Variants in GOLPH3L observed in about 807,000 individuals in gnomAD.
The protein encoded by GOLPH3L is golgi phosphoprotein 3 like.
A neutral mutation model predicts 30.3 loss-of-function variants in GOLPH3L; 22 were observed. The observed-to-expected ratio is 0.73, with a 90% CI of 0.52 to 1.04. The LOEUF is 1.04. Ranked by LOEUF, GOLPH3L falls within the 50% of genes least tolerant of loss-of-function variation. GOLPH3L has a pLI of 0.00. For synonymous variants in GOLPH3L, 120 were observed against 128.2 expected (o/e 0.94, Z 0.43); for missense variants, 303 against 345.8 (o/e 0.88, Z 0.98).
chr1:150,664,288 G>A (rs888535909), intron 2 of GOLPH3L, among the ~76,000 whole-genome samples: 3 of 152,128 alleles, frequency 2.0e-5, no homozygotes, highest in South Asian at 2.1e-4. Context: ...ACAGACATGA[G>A]TGACTGCACC....
chr1:150,657,478 T>C (rs183062156), intron 4 of GOLPH3L, among the ~76,000 whole-genome samples: 34 of 152,342 alleles, frequency 2.2e-4, no homozygotes, highest in African/African-American at 6.3e-4. Flanking sequence ...CCTAATTCTC[T>C]TTGGCAAATG....
intron 4 of GOLPH3L, among the ~76,000 whole-genome samples, chr1:150,655,907 G>T (rs954258046): frequency 1.3e-5 from 2 of 152,196 alleles, no homozygotes; most frequent in South Asian, 2.1e-4. Context: ...AGATTTAAAA[G>T]ACTGTTTCTT....
intron 4 of GOLPH3L, among the ~76,000 whole-genome samples, chr1:150,657,625 TTG>T (rs1218266766): frequency 2.0e-5 from 3 of 152,236 alleles, no homozygotes; most frequent in Non-Finnish European, 4.4e-5. Context: ...TTTGCAGTGT[TTG>T]TGGTGATGAG....
At chr1:150,692,355 T>G (rs762464656) in intron 2 of GOLPH3L, among the ~76,000 whole-genome samples, 13 of 152,172 alleles carry the variant, frequency 8.5e-5, no homozygotes, top group African/African-American at 1.2e-4. Flanking sequence ...AAAAATAAAA[T>G]TAGAGCAATT....
intron 2 of GOLPH3L, among the ~76,000 whole-genome samples, chr1:150,679,731 T>C (rs1240937868): frequency 6.6e-6 from 1 of 152,054 alleles, no homozygotes; most frequent in Non-Finnish European, 1.5e-5. Context: ...GCCCAAGAGG[T>C]GGAGCCTGCA....
intron 2 of GOLPH3L, among the ~76,000 whole-genome samples, chr1:150,675,096 T>C (rs1571047617): frequency 6.6e-6 from 1 of 151,964 alleles, no homozygotes; most frequent in Non-Finnish European, 1.5e-5. Flanking sequence ...CCCAGGCTGG[T>C]GTTGAAGACC....
chr1:150,678,588 G>A (rs1650875016), intron 2 of GOLPH3L, among the ~76,000 whole-genome samples: 1 of 152,146 alleles, frequency 6.6e-6, no homozygotes, highest in African/African-American at 2.4e-5. Context: ...AGAGAGAGCT[G>A]ATGCTGGTTA....
At chr1:150,693,960 A>C (rs1368207545) in intron 2 of GOLPH3L, 2 of 178,734 alleles carry the variant, frequency 1.1e-5, no homozygotes, top group Non-Finnish European at 2.3e-5. Flanking sequence ...CCCAGGTTCA[A>C]GTGATTCTCC....
At chr1:150,657,329 C>A (rs369628039) in intron 4 of GOLPH3L, among the ~76,000 whole-genome samples, 4 of 152,308 alleles carry the variant, frequency 2.6e-5, no homozygotes, top group South Asian at 4.1e-4. Flanking sequence ...GCAATTTAAC[C>A]CATGTTAATG....
At chr1:150,664,430 T>C (rs1224768456) in intron 2 of GOLPH3L, among the ~76,000 whole-genome samples, 1 of 152,114 alleles carries the variant, frequency 6.6e-6, no homozygotes, top group Non-Finnish European at 1.5e-5. Context: ...CTTTTAATCC[T>C]CCTAGATATG....
At chr1:150,666,052 G>A (rs1049406273) in intron 2 of GOLPH3L, among the ~76,000 whole-genome samples, 1 of 152,026 alleles carries the variant, frequency 6.6e-6, no homozygotes, top group African/African-American at 2.4e-5. Flanking sequence ...TTTGTAGGTG[G>A]TGTATCTTTT....
At chr1:150,693,843 ATATATTTTT>A (rs1651274184) in intron 2 of GOLPH3L, among the ~76,000 whole-genome samples, 1 of 85,564 alleles carries the variant, frequency 1.2e-5, no homozygotes, top group African/African-American at 5.3e-5. Flanking sequence ...ATATATATAT[ATATATTTTT>A]TTTTTTTTTT....
intron 2 of GOLPH3L, among the ~76,000 whole-genome samples, chr1:150,676,634 AT>A (rs1225677880): frequency 1.7e-3 from 209 of 120,958 alleles, no homozygotes; most frequent in African/African-American, 2.2e-3. Flanking sequence ...CATACATTCT[AT>A]TTTTTTTTTT....
intron 4 of GOLPH3L, among the ~76,000 whole-genome samples, chr1:150,653,692 G>A (rs587739317): frequency 5.9e-5 from 9 of 152,036 alleles, no homozygotes; most frequent in African/African-American, 2.2e-4. Flanking sequence ...CTGGACTCAA[G>A]TGATCTTCCC....
rs587713928 is a variant in GOLPH3L at position 150,668,194 on chromosome 1, G to A, written c.184-4431C>T. On this transcript the variant is annotated intron_variant, in intron 2 of 4. Transcript: ENST00000271732. ...TTAAGGAGAGAATATCCCTTATGCCGCAAAAATATTTTTGAAAGCATAAAT... is the reference window on the plus strand; with the variant it reads ...TTAAGGAGAGAATATCCCTTATGCCACAAAAATATTTTTGAAAGCATAAAT... 2.4e-4 allele frequency among the ~76,000 whole-genome samples: 36 copies of A among 152,148 alleles called. No homozygotes were observed. The East Asian group carries it at 4.4e-3, about 19-fold the overall frequency.
chr1:150,693,832 T>TAC (rs1557791384), intron 2 of GOLPH3L, among the ~76,000 whole-genome samples: 38 of 102,094 alleles, frequency 3.7e-4, no homozygotes, highest in Middle Eastern at 3.9e-3. Flanking sequence ...TATATATATA[T>TAC]ATATATATAT....
At chr1:150,675,703 G>A (rs1650758427) in intron 2 of GOLPH3L, among the ~76,000 whole-genome samples, 1 of 150,330 alleles carries the variant, frequency 6.7e-6, no homozygotes, top group Non-Finnish European at 1.5e-5. Context: ...TTGAATCTGG[G>A]AGGTGGAGGT....
At chr1:150,687,981 A>G (rs1314685071) in intron 2 of GOLPH3L, among the ~76,000 whole-genome samples, 1 of 152,254 alleles carries the variant, frequency 6.6e-6, no homozygotes, top group Non-Finnish European at 1.5e-5. Context: ...TATATTGATC[A>G]AAAGAATACA....
chr1:150,669,080 C>T (rs1029662344), intron 2 of GOLPH3L, among the ~76,000 whole-genome samples: 3 of 151,952 alleles, frequency 2.0e-5, no homozygotes, highest in South Asian at 2.1e-4. Flanking sequence ...ACTTTCCAAA[C>T]GAGTTTTTAA....
Sources: allele counts gnomAD v4.1 joint callset (sites outside exome capture counted in the v4.1 genomes callset), GRCh38; gene constraint gnomAD v4.1.1; transcripts MANE v1.5; gene names NCBI Gene and HGNC (gene_info 2026-07-23, HGNC 2026-07-21).